EIF3G: variants seen among roughly 807,000 people sequenced by gnomAD.
EIF3G encodes the protein eukaryotic translation initiation factor 3 subunit G.
EIF3G carries 10 observed loss-of-function variants against 41.7 expected under a neutral mutation model. The observed-to-expected ratio is 0.24, with a 90% CI of 0.15 to 0.41. The LOEUF is 0.41. Among genes scored for constraint, EIF3G ranks in the 10% least tolerant of loss-of-function variants. EIF3G has a pLI of 1.00. For missense variants in EIF3G, 297 were observed against 444.0 expected (o/e 0.67, Z 2.98); for synonymous variants, 204 against 172.5 (o/e 1.18, Z -1.43).
chr19:10,118,404 A>G (rs1383125790), intron 5 of EIF3G: 11 of 407,782 alleles, frequency 2.7e-5, no homozygotes, highest in Non-Finnish European at 3.9e-5. Context: ...CGTCTCTACT[A>G]AAAGTACAAA....
chr19:10,118,707 A>G lies in EIF3G; in HGVS notation c.261T>C (p.Ile87=). 1.2e-6 allele frequency: 2 copies of G among 1,614,072 alleles called. No homozygotes were observed. The highest frequency in any genetic ancestry group is 2.2e-5 in the South Asian group (2 of 91,084). ...CAGCCTTTGAAGCCTTCCGGGTCTCAATCCTGAAGGTGCGGACAATCTGAG... is the reference window on the plus strand; with the variant it reads ...CAGCCTTTGAAGCCTTCCGGGTCTCGATCCTGAAGGTGCGGACAATCTGAG... ...KKFKIVRTFR[I]ETRKASKAVA... The change falls in exon 5 of 11, where the codon ATT becomes ATC. Residue 87 remains isoleucine, a synonymous_variant. Transcript: ENST00000253108.
chr19:10,118,799 C>A, intron 4 of EIF3G, 69 bp downstream of exon 4: 4 of 1,604,780 alleles, frequency 2.5e-6, no homozygotes, highest in Admixed American at 1.7e-5. Context: ...CCTCAACACA[C>A]CCCACCCCAT....
In EIF3G at chr19:10,115,599, G is replaced by C; in HGVS notation, c.841-14C>G. 6.2e-7 allele frequency: 1 copy of C among 1,612,128 alleles called. No individual in the cohort carries two copies. The highest frequency in any genetic ancestry group is 8.5e-7 in the Non-Finnish European group (1 of 1,178,606). ...GAAGGCAAAGCCCTGTGGAGGGGCG[G>C]GATGGGGTCGGGCACGAGCTAGGAC... On this transcript the variant is annotated splice_polypyrimidine_tract_variant and intron_variant, in intron 9 of 10. Coordinates refer to ENST00000253108, the MANE Select transcript of EIF3G (RefSeq NM_003755.5).
chr19:10,116,322 G>C lies in EIF3G; in HGVS notation c.596-248C>G. ...GACCCCACCCCAGAGAGGGCGGGAGGACAACAGGGGCAGCAGCCTCACATG... is the reference window on the plus strand; with the variant it reads ...GACCCCACCCCAGAGAGGGCGGGAGCACAACAGGGGCAGCAGCCTCACATG... On this transcript the variant is annotated intron_variant, in intron 7 of 10. Coordinates refer to ENST00000253108, the MANE Select transcript of EIF3G (RefSeq NM_003755.5). This position sits in a 1 kb window ranked among gnomAD's most constrained non-coding sequence, Gnocchi z 4.1. The C allele has an allele frequency of 1.7e-6, 1 of 574,208 alleles. No individual in the cohort carries two copies. Among genetic ancestry groups the C allele is most frequent in the Non-Finnish European group, 3.1e-6 (1 of 321,346 alleles). 35.6% of individuals were successfully genotyped at this position (574,208 alleles called of 1,614,324 possible).
chr19:10,119,335 G>A (rs1387707265), intron 2 of EIF3G, 164 bp from the exon 3 acceptor site: 1 of 845,706 alleles, frequency 1.2e-6, no homozygotes, highest in Non-Finnish European at 1.9e-6. Flanking sequence ...GTGGGGACTC[G>A]GAGTGGCAAG....
rs763213357 is a variant in EIF3G at position 10,119,013 on chromosome 19, C to A, written c.152-57G>T. 6 of 1,612,790 alleles carry A rather than the reference C, an allele frequency of 3.7e-6. No individual in the cohort carries two copies. The African/African-American group carries it at 8.0e-5, about 22-fold the overall frequency. ...AGCCCTGGGTCATGGGGATCAGGAG[C>A]GGCAGGGCTGGAGGGAGAGGCAGCC... On this transcript the variant is annotated intron_variant, in intron 3 of 10. Transcript: ENST00000253108.
In EIF3G at chr19:10,116,194, G is replaced by A. The variant is rs2089246291; in HGVS notation, c.596-120C>T. On this transcript the variant is annotated intron_variant, in intron 7 of 10. Coordinates refer to ENST00000253108, the MANE Select transcript of EIF3G (RefSeq NM_003755.5). The surrounding 1 kb of genome is among the most constrained non-coding windows in gnomAD (Gnocchi z 4.1). Reference sequence around the variant, plus strand: ...CGCAGGCACTGTGTGCCAAACCACAGGCAGCCAGTTGGCCACGAGGACACC... The same window carrying A: ...CGCAGGCACTGTGTGCCAAACCACAAGCAGCCAGTTGGCCACGAGGACACC... 3.0e-6 allele frequency: 3 copies of A among 1,016,218 alleles called. No homozygotes were observed. Among genetic ancestry groups the A allele is most frequent in the East Asian group, 2.6e-5 (1 of 37,998 alleles). The allele number at this position is 1,016,218 out of a possible 1,614,324, so 63.0% of individuals were successfully genotyped here. A position where few individuals can be genotyped will look rare whatever the true frequency, so the allele number is the denominator to read the frequency against.
chr19:10,118,819 T>C, intron 4 of EIF3G, 49 bp downstream of exon 4: 1 of 1,602,970 alleles, frequency 6.2e-7, no homozygotes, highest in Non-Finnish European at 8.5e-7. Flanking sequence ...TTCCGGTCTA[T>C]GGGCCCCCAA....
At chr19:10,117,449 G>A (rs1473907191) in intron 5 of EIF3G, 12 of 444,210 alleles carry the variant, frequency 2.7e-5, no homozygotes, top group Middle Eastern at 5.8e-4. Flanking sequence ...GCAGTCTGGC[G>A]GACCAGCTCC....
At position 10,119,669 on chromosome 19, in the gene EIF3G, C is replaced by T; in HGVS notation, c.52G>A (p.Glu18Lys). Residue 18 changes from glutamate (E) to lysine (K), a missense_variant, in exon 2 of 11, where the codon GAG (glutamate) becomes AAG (lysine). Around this residue, in one of 4 missense-constraint regions of EIF3G, gnomAD observed 147 missense variants for 162.4 expected, o/e 0.91. Coordinates refer to ENST00000253108, the MANE Select transcript of EIF3G (RefSeq NM_003755.5). ...SKPSWADQVE[E>K]EGEDDKCVTS... ...GTACACTTACCGTCCTCCCCCTCCT[C>T]CTCCACCTGGTCGGCCCAACTGGGC... 6.3e-7 allele frequency: 1 copy of T among 1,583,990 alleles called. No homozygotes were observed. The highest frequency in any genetic ancestry group is 2.2e-5 in the East Asian group (1 of 44,540).
In EIF3G at chr19:10,116,864, G is replaced by A. The variant is rs2089260041; in HGVS notation, c.531C>T (p.Pro177=). The part of the protein sequence containing the change: ...TRCPYKDTLG[P]MQKELAEQLG... ...GCTGCTCGGCCAGCTCCTTCTGCAT[G>A]GGCCCCAGCGTATCCTTGTAGGGGC... The change falls in exon 7 of 11, where the codon CCC becomes CCT. Residue 177 remains proline (P), a synonymous_variant. Transcript: ENST00000253108. The surrounding 1 kb of genome is among the most constrained non-coding windows in gnomAD (Gnocchi z 4.1). 1.2e-6 allele frequency: 2 copies of A among 1,613,174 alleles called. No individual in the cohort carries two copies. Among genetic ancestry groups the A allele is most frequent in the Admixed American group, 1.7e-5 (1 of 59,972 alleles).
chr19:10,116,492 C>G lies in EIF3G; in HGVS notation c.595+308G>C. On this transcript the variant is annotated intron_variant, in intron 7 of 10. Coordinates refer to ENST00000253108, the MANE Select transcript of EIF3G (RefSeq NM_003755.5). The surrounding 1 kb of genome is among the most constrained non-coding windows in gnomAD (Gnocchi z 4.1). ...TTCGGACGGTACAGCCACAGGCATG[C>G]AACGGAGACACTATACACACAGTGC... The G allele has an allele frequency of 2.0e-6, 1 of 493,678 alleles. No homozygotes were observed. Among genetic ancestry groups the G allele is most frequent in the South Asian group, 2.7e-5 (1 of 36,370 alleles). 30.6% of individuals were successfully genotyped at this position (493,678 alleles called of 1,614,324 possible).
Position 10,117,103 on chromosome 19 carries a change from G to A in EIF3G, c.386C>T (p.Thr129Met), listed in dbSNP as rs369663424. The A allele has an allele frequency of 1.2e-6, 2 of 1,613,576 alleles. No homozygotes were observed. Among genetic ancestry groups the A allele is most frequent in the Non-Finnish European group, 1.7e-6 (2 of 1,179,844 alleles). Residue 129 changes from threonine to methionine, a missense_variant, in exon 6 of 11, where the codon ACG (threonine) becomes ATG (methionine). Thr to Met is a moderately conservative substitution (Grantham distance 81, BLOSUM62 -1). Transcript: ENST00000253108. ...GCTTACCTCTTTGCTGGTGATGAAC[G>A]TCATAGAGACATCGTCACTGACAGT... ...TTTVSDDVSM[T>M]FITSKEDLNC...
intron 4 of EIF3G, 62 bp from the exon 5 acceptor site, chr19:10,118,789 C>T: frequency 1.2e-6 from 2 of 1,609,400 alleles, no homozygotes; most frequent in African/African-American, 1.3e-5. Flanking sequence ...TTATCAACCT[C>T]CTCAACACAC....
At chr19:10,115,199 AT>A in intron 10 of EIF3G, 70 bp from the exon 11 acceptor site, 2 of 1,583,520 alleles carry the variant, frequency 1.3e-6, no homozygotes, top group Non-Finnish European at 1.7e-6. Flanking sequence ...CCCAAGTGGC[AT>A]CTTGGGGGTG....
Position 10,115,149 on chromosome 19 carries a change from C to T in EIF3G, c.948-20G>A, listed in dbSNP as rs779458311. The stretch of plus-strand genomic sequence containing the variant: ...GACGGCCTGGGGTAGGGGAGGGTGG[C>T]AGGTATAAGACTTCTGGGGGCACCC... On this transcript the variant is annotated intron_variant, in intron 10 of 10. Transcript: ENST00000253108. The T allele has an allele frequency of 1.7e-5, 28 of 1,613,292 alleles. No individual in the cohort carries two copies. The highest frequency in any genetic ancestry group is 8.8e-5 in the South Asian group (8 of 90,916).
chr19:10,118,947 G>A lies in EIF3G; in HGVS notation c.161C>T (p.Pro54Leu), dbSNP rs772211774. ...TCCGTTGATGACCTCCTTGGGAGGC[G>A]GCAGTGGAGCTGGCAGAAGGGGAAA... ...EPELLPGAPLPPPKEVINGNI... is the reference protein window; with the variant it reads ...EPELLPGAPLLPPKEVINGNI... Residue 54 changes from proline to leucine, a missense_variant, in exon 4 of 11, where the codon CCG becomes CTG. Physicochemically the swap from Pro to Leu is moderately conservative, Grantham distance 98. This residue lies in a region of EIF3G where 147 missense variants were observed against 162.4 expected (regional missense o/e 0.91). Transcript: ENST00000253108. 6.2e-6 allele frequency: 10 copies of A among 1,614,092 alleles called. No individual in the cohort carries two copies. Among genetic ancestry groups the A allele is most frequent in the East Asian group, 2.2e-5 (1 of 44,878 alleles).
chr19:10,118,771 G>T, intron 4 of EIF3G, 44 bp from the exon 5 acceptor site: 2 of 1,612,018 alleles, frequency 1.2e-6, no homozygotes, highest in Non-Finnish European at 1.7e-6. Flanking sequence ...GGGACCAAGG[G>T]ATCTCCTTTA....
Position 10,116,377 on chromosome 19 carries a change from CAG to C in EIF3G, c.596-305_596-304del, listed in dbSNP as rs1317667021. 3.0e-5 allele frequency: 16 copies of C among 531,148 alleles called. No individual in the cohort carries two copies. Among genetic ancestry groups the C allele is most frequent in the African/African-American group, 7.6e-5 (4 of 52,446 alleles). The allele number at this position is 531,148 out of a possible 1,614,324, so 32.9% of individuals were successfully genotyped here. ...GCAACGGCAGACATGGGACACACAACAGGAACAGCGCCCAGGTCCCCCTCGCG... is the reference window on the plus strand; with the variant it reads ...GCAACGGCAGACATGGGACACACAACGAACAGCGCCCAGGTCCCCCTCGCG... On this transcript the variant is annotated intron_variant, in intron 7 of 10. Coordinates refer to ENST00000253108, the MANE Select transcript of EIF3G (RefSeq NM_003755.5). The surrounding 1 kb of genome is among the most constrained non-coding windows in gnomAD (Gnocchi z 4.1).
Sources: gnomAD v4.1 joint callset for allele counts on GRCh38, gnomAD v4.1.1 for gene constraint, gnomAD v4.1.1 regional missense constraint, Gnocchi (gnomAD v3.1) non-coding constraint, MANE v1.5 for transcripts, NCBI Gene and HGNC (gene_info 2026-07-23, HGNC 2026-07-21) for gene names.